The following C4BPA variants were observed in gnomAD, a reference collection of about 807,000 sequenced individuals.
C4BPA encodes C4b-binding protein alpha chain.
A neutral mutation model predicts 63.7 loss-of-function variants in C4BPA; 31 were observed. The ratio of observed to expected loss-of-function variants is 0.49; its 90% CI spans 0.37 to 0.66. C4BPA has a LOEUF of 0.66. Ranked by LOEUF, C4BPA falls within the 30% of genes least tolerant of loss-of-function variation. The probability of loss-of-function intolerance (pLI) is 0.00; values close to 1 mark genes in which losing one functional copy is unlikely to be tolerated. For synonymous variants in C4BPA, 259 were observed against 254.7 expected, an observed-to-expected ratio of 1.02 and a Z score of -0.16; for missense variants, 572 against 723.3, an observed-to-expected ratio of 0.79 and a Z score of 2.40.
chr1:207,116,071 G>A lies in C4BPA; in HGVS notation c.428+556G>A, dbSNP rs780152475. On this transcript the variant is annotated intron_variant, in intron 4 of 11. Coordinates refer to ENST00000367070, the MANE Select transcript of C4BPA (RefSeq NM_000715.4). ...AGAGGAGGCCTTTCTGGCTCAAAGA[G>A]TATGTATATTTGAAAATTTGAAAGA... is the stretch of plus-strand genomic sequence containing the variant. 2.6e-5 allele frequency among the ~76,000 whole-genome samples: 4 copies of A among 152,176 alleles called. No individual in the cohort carries two copies. The South Asian group carries it at 8.3e-4, about 31-fold the overall frequency.
chr1:207,112,739 A>G (rs2102330493), intron 1 of C4BPA, among the ~76,000 whole-genome samples: 1 of 152,212 alleles, frequency 6.6e-6, no homozygotes, highest in Non-Finnish European at 1.5e-5. Context: ...TGTCTTCAGT[A>G]TACCTAGTGC....
Position 207,143,994 on chromosome 1 carries a change from G to T in C4BPA, c.1620+1G>T. 1.9e-6 allele frequency: 3 copies of T among 1,565,798 alleles called. No individual in the cohort carries two copies. The highest frequency in any genetic ancestry group is 1.7e-6 in the Non-Finnish European group (2 of 1,159,248). ...CCCAGAGGTGCCCAAGTGTGAGTGG[G>T]TAAGTGGCACAATTCAAGGAAGTTC... On this transcript the variant is annotated splice_donor_variant, in intron 11 of 11. Transcript: ENST00000367070. LOFTEE classifies it high-confidence loss of function.
Position 207,114,156 on chromosome 1 carries a change from A to G in C4BPA, c.199A>G (p.Thr67Ala), listed in dbSNP as rs1195125488. The part of the protein sequence containing the change: ...SFAAPMDITL[T>A]ETRFKTGTTL... The stretch of plus-strand genomic sequence containing the variant: ...TGCTGCCCCGATGGATATTACGTTG[A>G]CTGAGACACGCTTCAAAACTGGAAC... The change falls in exon 3 of 12, where the codon ACT (threonine) becomes GCT (alanine). Residue 67 changes from threonine to alanine, a missense_variant. Thr to Ala is a moderately conservative substitution (Grantham distance 58, BLOSUM62 0). Transcript: ENST00000367070. 1 of 1,613,670 alleles carries G rather than the reference A, an allele frequency of 6.2e-7. No homozygotes were observed.
chr1:207,118,329 T>C (rs368568733), intron 4 of C4BPA, among the ~76,000 whole-genome samples: 24 of 152,290 alleles, frequency 1.6e-4, no homozygotes, highest in Middle Eastern at 6.8e-3. Context: ...TTCATTCTCA[T>C]GCTGCTATGA....
chr1:207,124,061 A>C, intron 5 of C4BPA, 54 bp downstream of exon 5: 2 of 1,500,876 alleles, frequency 1.3e-6, no homozygotes, highest in Middle Eastern at 1.7e-4. Flanking sequence ...TTAGGTAATA[A>C]AGTCCCTGTG....
chr1:207,105,026 T>C (rs1003727261), intron 1 of C4BPA, among the ~76,000 whole-genome samples: 1 of 152,194 alleles, frequency 6.6e-6, no homozygotes, highest in African/African-American at 2.4e-5. Flanking sequence ...TGATAACCCT[T>C]CCTTCTTGAA....
rs560455297 is a variant in C4BPA at position 207,128,300 on chromosome 1, C to T, written c.889+1405C>T. ...TGGGTGGCAGTGCCAGTTCCTACTT[C>T]CCCCTTTTCTCTTCTCACAGCTCCT... On this transcript the variant is annotated intron_variant, in intron 7 of 11. Coordinates refer to ENST00000367070, the MANE Select transcript of C4BPA (RefSeq NM_000715.4). 4.6e-5 allele frequency among the ~76,000 whole-genome samples: 7 copies of T among 152,252 alleles called. 2 individuals carry two copies. In the South Asian group the frequency reaches 1.5e-3, roughly 32 times the overall value.
At chr1:207,106,984 C>T (rs182347233) in intron 1 of C4BPA, among the ~76,000 whole-genome samples, 2 of 152,224 alleles carry the variant, frequency 1.3e-5, no homozygotes, top group Non-Finnish European at 2.9e-5. Context: ...GAATAAACAC[C>T]TTCCTTGTCT....
At chr1:207,141,543 T>A (rs1245176616) in intron 10 of C4BPA, among the ~76,000 whole-genome samples, 1 of 152,248 alleles carries the variant, frequency 6.6e-6, no homozygotes, top group Non-Finnish European at 1.5e-5. Context: ...TCCAGAAATA[T>A]TCTAAAAGTA....
chr1:207,140,052 C>T (rs1330658678), intron 9 of C4BPA, among the ~76,000 whole-genome samples: 1 of 152,200 alleles, frequency 6.6e-6, no homozygotes, highest in African/African-American at 2.4e-5. Context: ...TCAGGCACCC[C>T]TGGTTGCCTC....
intron 1 of C4BPA, among the ~76,000 whole-genome samples, chr1:207,106,436 TGTAA>T (rs923537745): frequency 6.9e-6 from 1 of 145,970 alleles, no homozygotes; most frequent in African/African-American, 2.7e-5. Context: ...CCTTCCTCCG[TGTAA>T]GTTTTTTTTT....
chr1:207,112,060 T>C (rs777317548), intron 1 of C4BPA, among the ~76,000 whole-genome samples: 1 of 152,090 alleles, frequency 6.6e-6, no homozygotes, highest in African/African-American at 2.4e-5. Flanking sequence ...ACTTAGGATA[T>C]GTTGTGTTCT....
intron 10 of C4BPA, among the ~76,000 whole-genome samples, chr1:207,143,386 A>G (rs972851693): frequency 1.3e-5 from 2 of 152,154 alleles, no homozygotes; most frequent in Admixed American, 6.6e-5. Flanking sequence ...CCTAATGTAG[A>G]TGATGGGTTG....
At chr1:207,118,239 C>G (rs1684853359) in intron 4 of C4BPA, among the ~76,000 whole-genome samples, 1 of 151,812 alleles carries the variant, frequency 6.6e-6, no homozygotes, top group Non-Finnish European at 1.5e-5. Context: ...ATCTATCTAT[C>G]TATCTATCAT....
intron 1 of C4BPA, among the ~76,000 whole-genome samples, chr1:207,105,577 A>G (rs1414379665): frequency 1.3e-5 from 2 of 151,558 alleles, no homozygotes. Context: ...AAAAAAAGAA[A>G]AAAAAAAGAG....
intron 4 of C4BPA, among the ~76,000 whole-genome samples, chr1:207,117,945 C>T (rs1684837652): frequency 1.3e-5 from 2 of 152,164 alleles, no homozygotes; most frequent in African/African-American, 4.8e-5. Context: ...CTATGCTTTC[C>T]TCAGTTCGTC....
intron 1 of C4BPA, among the ~76,000 whole-genome samples, chr1:207,107,068 A>T (rs1684576302): frequency 6.6e-6 from 1 of 152,208 alleles, no homozygotes; most frequent in Admixed American, 6.5e-5. Context: ...GCTACAATTA[A>T]GGTATTAGCC....
rs1028629003 is a variant in C4BPA at position 207,119,904 on chromosome 1, C to T, written c.429-4018C>T. ...TGCCCTCAGCAAGCACTTCATCTGT[C>T]GTTGGTTCCTTGCCCAATGGGGTCA... On this transcript the variant is annotated intron_variant, in intron 4 of 11. Coordinates refer to ENST00000367070, the MANE Select transcript of C4BPA (RefSeq NM_000715.4). Among the ~76,000 whole-genome samples, 33 of 152,352 alleles carry T rather than the reference C, an allele frequency of 2.2e-4. 1 individual carries two copies. The highest frequency in any genetic ancestry group is 4.1e-4 in the South Asian group (2 of 4,830).
chr1:207,123,052 G>A (rs1192230462), intron 4 of C4BPA, among the ~76,000 whole-genome samples: 2 of 151,878 alleles, frequency 1.3e-5, no homozygotes, highest in Non-Finnish European at 1.5e-5. Context: ...TCCTTATTGT[G>A]TATGGCTTCC....
Sources: allele counts gnomAD v4.1 joint callset (sites outside exome capture counted in the v4.1 genomes callset), GRCh38; gene constraint gnomAD v4.1.1; transcripts MANE v1.5; gene names NCBI Gene and HGNC (gene_info 2026-07-23, HGNC 2026-07-21).